The following GPHN variants were observed in gnomAD, a reference collection of about 807,000 sequenced individuals.
GPHN encodes the protein gephyrin.
GPHN carries 17 observed loss-of-function variants against 95.5 expected under a neutral mutation model. That is an observed-to-expected ratio of 0.18 (90% CI 0.12 to 0.27). The LOEUF (loss-of-function observed/expected upper bound fraction) is 0.27, where lower values mean the gene tolerates loss of function less well. Ranked by LOEUF, GPHN falls within the 10% of genes least tolerant of loss-of-function variation. The probability of loss-of-function intolerance (pLI) is 1.00; values close to 1 mark genes in which losing one functional copy is unlikely to be tolerated. For missense variants in GPHN, 660 were observed against 978.1 expected, an observed-to-expected ratio of 0.67 and a Z score of 4.34; for synonymous variants, 320 against 322.5, an observed-to-expected ratio of 0.99 and a Z score of 0.08.
intron 2 of GPHN, among the ~76,000 whole-genome samples, chr14:66,694,619 G>A (rs1008930554): frequency 3.3e-5 from 5 of 152,240 alleles, no homozygotes; most frequent in African/African-American, 1.2e-4. Context: ...AAAACTGCCA[G>A]ACAATAATAT....
the GPHN span, chr14:67,729,907 A>G: frequency 2.3e-6 from 1 of 436,306 alleles, no homozygotes. Flanking sequence ...AGGGAAGCCC[A>G]GGGTGAAATC....
intron 1 of GPHN, among the ~76,000 whole-genome samples, chr14:66,519,326 T>C (rs951333024): frequency 1.3e-5 from 2 of 152,078 alleles, no homozygotes; most frequent in African/African-American, 4.8e-5. Flanking sequence ...TTTTTGTTTA[T>C]TCTTTTGTAT....
chr14:67,048,245 T>C (rs1338879184), intron 10 of GPHN, among the ~76,000 whole-genome samples: 1 of 152,176 alleles, frequency 6.6e-6, no homozygotes, highest in East Asian at 1.9e-4. Context: ...CCCTATTCAT[T>C]TTGCGCTGAG....
At chr14:66,738,518 A>AT (rs1250458057) in intron 2 of GPHN, among the ~76,000 whole-genome samples, 4 of 152,046 alleles carry the variant, frequency 2.6e-5, no homozygotes, top group African/African-American at 4.8e-5. Flanking sequence ...TTGATTCTTG[A>AT]TTTTTTTTAT....
chr14:66,570,603 C>T (rs554635222), intron 1 of GPHN, among the ~76,000 whole-genome samples: 63 of 152,156 alleles, frequency 4.1e-4, no homozygotes, highest in Non-Finnish European at 4.6e-4. Context: ...CCATGCCTGG[C>T]CCAATTTCAT....
chr14:66,884,462 A>T (rs527944298), intron 5 of GPHN, among the ~76,000 whole-genome samples: 1 of 152,124 alleles, frequency 6.6e-6, no homozygotes, highest in African/African-American at 2.4e-5. Flanking sequence ...AGCATTTACT[A>T]GCAGTGTTAC....
chr14:67,067,412 G>A (rs1020623670), intron 11 of GPHN, among the ~76,000 whole-genome samples: 2 of 152,196 alleles, frequency 1.3e-5, no homozygotes, highest in African/African-American at 4.8e-5. Context: ...AGGGGTCAGG[G>A]ACTCACTTGA....
chr14:67,507,605 T>C, the GPHN span, among the ~76,000 whole-genome samples: 1 of 152,082 alleles, frequency 6.6e-6, no homozygotes, highest in African/African-American at 2.4e-5. Context: ...TGCGCCACCA[T>C]GTCCAACTAA....
intron 3 of GPHN, among the ~76,000 whole-genome samples, chr14:66,778,874 T>C (rs1014225992): frequency 6.6e-6 from 1 of 151,652 alleles, no homozygotes; most frequent in South Asian, 2.1e-4. Context: ...TAGCTTGGAT[T>C]ATAGGCACAT....
intron 17 of GPHN, among the ~76,000 whole-genome samples, chr14:67,134,305 C>T (rs1333946301): frequency 6.6e-6 from 1 of 152,176 alleles, no homozygotes; most frequent in East Asian, 1.9e-4. Flanking sequence ...AGTCTTTCTT[C>T]CTGTGTCTTT....
At chr14:67,145,028 T>G (rs982721775) in intron 18 of GPHN, among the ~76,000 whole-genome samples, 3 of 152,004 alleles carry the variant, frequency 2.0e-5, no homozygotes, top group African/African-American at 7.3e-5. Context: ...TCACAAAGGC[T>G]AGGGGCTGAG....
chr14:67,620,000 C>T, the GPHN span: 2 of 1,607,510 alleles, frequency 1.2e-6, no homozygotes, highest in Admixed American at 1.7e-5. Context: ...GGCAGCCTCT[C>T]GCGTCTCCTC....
intron 1 of GPHN, among the ~76,000 whole-genome samples, chr14:66,670,962 G>A (rs1261194012): frequency 2.0e-5 from 3 of 152,088 alleles, no homozygotes; most frequent in African/African-American, 7.2e-5. Flanking sequence ...GGAGTACAAT[G>A]TTTATAATTT....
At chr14:66,669,066 T>A (rs1441140562) in intron 1 of GPHN, among the ~76,000 whole-genome samples, 1 of 151,830 alleles carries the variant, frequency 6.6e-6, no homozygotes, top group African/African-American at 2.4e-5. Context: ...TTTCCTGCTG[T>A]TTTTAAGGTA....
At chr14:66,696,412 T>G (rs886934888) in intron 2 of GPHN, among the ~76,000 whole-genome samples, 1 of 152,232 alleles carries the variant, frequency 6.6e-6, no homozygotes, top group Non-Finnish European at 1.5e-5. Flanking sequence ...TAAGTACAAC[T>G]GAAAGTCCTA....
the GPHN span, among the ~76,000 whole-genome samples, chr14:67,499,844 TA>T: frequency 0.7 from 105,553 of 150,346 alleles, 37,903 homozygotes; most frequent in Middle Eastern, 0.81. Context: ...GACAAAGGGT[TA>T]AAAAAAAAAA....
the GPHN span, among the ~76,000 whole-genome samples, chr14:67,430,713 C>A: frequency 6.6e-6 from 1 of 152,074 alleles, no homozygotes; most frequent in East Asian, 1.9e-4. Flanking sequence ...TGCCCCAGGA[C>A]ATTGACTTGA....
At chr14:66,936,265 G>C (rs1393718635) in intron 8 of GPHN, among the ~76,000 whole-genome samples, 1 of 152,056 alleles carries the variant, frequency 6.6e-6, no homozygotes, top group Non-Finnish European at 1.5e-5. Context: ...TGTAATCCCA[G>C]CTACTCGGGA....
the GPHN span, among the ~76,000 whole-genome samples, chr14:67,502,066 C>T: frequency 1.7e-3 from 261 of 152,330 alleles, 2 homozygotes; most frequent in African/African-American, 5.8e-3. Context: ...GGCACTGTGG[C>T]TCACACTTGT....
Sources: allele counts gnomAD v4.1 joint callset (sites outside exome capture counted in the v4.1 genomes callset), GRCh38; gene constraint gnomAD v4.1.1; transcripts MANE v1.5; gene names NCBI Gene and HGNC (gene_info 2026-07-23, HGNC 2026-07-21).